SNX2: variants seen among roughly 807,000 people sequenced by gnomAD.
SNX2 encodes the protein sorting nexin-2.
SNX2 carries 25 observed loss-of-function variants against 69.9 expected under a neutral mutation model. That is an observed-to-expected ratio of 0.36 (90% CI 0.26 to 0.50). SNX2 has a LOEUF of 0.50. Among genes scored for constraint, SNX2 ranks in the 20% least tolerant of loss-of-function variants. The pLI, the probability that SNX2 is intolerant of heterozygous loss-of-function variation, is 0.97. For missense variants in SNX2, 551 were observed against 613.3 expected (o/e 0.90, Z 1.07); for synonymous variants, 229 against 200.4 (o/e 1.14, Z -1.20).
At chr5:122,799,290 G>C (rs1753457091) in intron 2 of SNX2, among the ~76,000 whole-genome samples, 1 of 152,112 alleles carries the variant, frequency 6.6e-6, no homozygotes, top group Non-Finnish European at 1.5e-5. Flanking sequence ...GTTGTGGACA[G>C]ACTTCCACCA....
At position 122,775,133 on chromosome 5, in the gene SNX2, G is replaced by C. The variant is rs139914720; in HGVS notation, c.30G>C (p.Leu10=). 1 of 1,595,082 alleles carries C rather than the reference G, an allele frequency of 6.3e-7. No individual in the cohort carries two copies. Among genetic ancestry groups the C allele is most frequent in the Non-Finnish European group, 8.5e-7 (1 of 1,172,588 alleles). The change falls in exon 1 of 15, where the codon CTG becomes CTC. Residue 10 remains leucine, a synonymous_variant. Coordinates refer to ENST00000379516, the MANE Select transcript of SNX2 (RefSeq NM_003100.4). MAAEREPPP[L]GDGKPTDFED... is the part of the protein sequence containing the mutation. ...CGGCCGAGAGGGAACCTCCTCCGCT[G>C]GGGGACGGGAAGCCCACCGACTTTG...
At chr5:122,781,576 A>C (rs1372448905) in intron 1 of SNX2, among the ~76,000 whole-genome samples, 13 of 152,192 alleles carry the variant, frequency 8.5e-5, no homozygotes, top group Non-Finnish European at 5.9e-5. Flanking sequence ...ATTTTAAATA[A>C]ACTGCCAAAC....
At chr5:122,803,374 A>G (rs1753558780) in intron 5 of SNX2, 98 bp from the exon 6 acceptor site, 1 of 1,173,326 alleles carries the variant, frequency 8.5e-7, no homozygotes, top group African/African-American at 1.5e-5. Flanking sequence ...TTCTTTTGCA[A>G]AGTAGATACA....
At chr5:122,776,471 C>CG in intron 1 of SNX2, among the ~76,000 whole-genome samples, 1 of 151,976 alleles carries the variant, frequency 6.6e-6, no homozygotes, top group Non-Finnish European at 1.5e-5. Flanking sequence ...TTTTTGCCAT[C>CG]CCTTTTAATA....
At chr5:122,778,656 G>C (rs1028262371) in intron 1 of SNX2, among the ~76,000 whole-genome samples, 1 of 152,046 alleles carries the variant, frequency 6.6e-6, no homozygotes, top group Non-Finnish European at 1.5e-5. Context: ...CTACAGGCGT[G>C]CACCACCATG....
In SNX2 at chr5:122,831,445, C is replaced by A. The variant is rs1337899302; in HGVS notation, c.*1797C>A. Among the ~76,000 whole-genome samples the A allele has an allele frequency of 6.6e-6, 1 of 152,082 alleles. No homozygotes were observed. Among genetic ancestry groups the A allele is most frequent in the Non-Finnish European group, 1.5e-5 (1 of 68,026 alleles). On this transcript the variant is annotated 3_prime_UTR_variant, in exon 15 of 15. Transcript: ENST00000379516. ...CTATGATCGTGCCTGTGAATACCCA[C>A]TAACCTACAGCCAGCCTGGACAACA...
At chr5:122,806,122 A>G (rs542274157) in intron 6 of SNX2, among the ~76,000 whole-genome samples, 30,467 of 93,112 alleles carry the variant, frequency 0.33, 3,668 homozygotes, top group East Asian at 0.57. Context: ...GCGTGTGTGT[A>G]TATATATACA....
At chr5:122,781,370 T>C (rs1752977623) in intron 1 of SNX2, among the ~76,000 whole-genome samples, 1 of 152,216 alleles carries the variant, frequency 6.6e-6, no homozygotes, top group Non-Finnish European at 1.5e-5. Context: ...TATTATTGAT[T>C]TAGTATTCCA....
chr5:122,786,688 T>TAA (rs3834246), intron 1 of SNX2, among the ~76,000 whole-genome samples: 24 of 147,272 alleles, frequency 1.6e-4, no homozygotes, highest in South Asian at 4.3e-4. Context: ...TAAGACAGAA[T>TAA]AAAAAAAAAA....
chr5:122,784,347 T>C (rs1753035938), intron 1 of SNX2, among the ~76,000 whole-genome samples: 1 of 151,972 alleles, frequency 6.6e-6, no homozygotes, highest in South Asian at 2.1e-4. Flanking sequence ...TTTTTGTTTT[T>C]TTTAATGAGC....
chr5:122,821,409 C>T (rs182487026), intron 11 of SNX2, among the ~76,000 whole-genome samples: 1 of 151,998 alleles, frequency 6.6e-6, no homozygotes, highest in African/African-American at 2.4e-5. Flanking sequence ...CTTTTTACAC[C>T]CACTCCACTT....
At chr5:122,820,799 G>T (rs1167374963) in intron 11 of SNX2, among the ~76,000 whole-genome samples, 1 of 152,130 alleles carries the variant, frequency 6.6e-6, no homozygotes, top group Non-Finnish European at 1.5e-5. Flanking sequence ...CCCTGTTTGC[G>T]AGATTCAGAA....
At chr5:122,808,725 A>G (rs1273955118) in intron 7 of SNX2, 1 of 159,162 alleles carries the variant, frequency 6.3e-6, no homozygotes, top group African/African-American at 2.4e-5. Context: ...AAAACATGGA[A>G]GTTGTGAATG....
chr5:122,778,458 C>G (rs1243473387), intron 1 of SNX2, among the ~76,000 whole-genome samples: 1 of 152,052 alleles, frequency 6.6e-6, no homozygotes, highest in Non-Finnish European at 1.5e-5. Context: ...TAAGATAACT[C>G]CTTTCTCCAC....
intron 3 of SNX2, among the ~76,000 whole-genome samples, chr5:122,800,638 T>C (rs1016459420): frequency 6.6e-6 from 1 of 152,174 alleles, no homozygotes; most frequent in African/African-American, 2.4e-5. Flanking sequence ...TATTTCTGAT[T>C]TAGGTTCTGA....
chr5:122,792,597 CAAA>C (rs34776409), intron 1 of SNX2, among the ~76,000 whole-genome samples: 2 of 108,182 alleles, frequency 1.8e-5, no homozygotes, highest in African/African-American at 3.3e-5. Context: ...AACTTCATCT[CAAA>C]AAAAAAAAAA....
chr5:122,818,972 T>G lies in SNX2; in HGVS notation c.1161T>G (p.Tyr387Ter). ...LHQEQAFADF[Y>*]MFSELLSDYI... ...AAGAACAAGCTTTTGCTGACTTTTATATGTTTTCAGAACTACTTAGTGACT... is the reference window on the plus strand; with the variant it reads ...AAGAACAAGCTTTTGCTGACTTTTAGATGTTTTCAGAACTACTTAGTGACT... The change falls in exon 11 of 15, where the codon TAT becomes TAG. Residue 387 changes from tyrosine to a stop codon, truncating the protein, a stop_gained. Transcript: ENST00000379516. LOFTEE classifies it high-confidence loss of function. The G allele has an allele frequency of 6.2e-7, 1 of 1,613,950 alleles. No homozygotes were observed. Among genetic ancestry groups the G allele is most frequent in the Non-Finnish European group, 8.5e-7 (1 of 1,179,880 alleles).
At chr5:122,807,720 T>A (rs1184667716) in intron 6 of SNX2, among the ~76,000 whole-genome samples, 1 of 152,260 alleles carries the variant, frequency 6.6e-6, no homozygotes, top group Non-Finnish European at 1.5e-5. Flanking sequence ...TAAATGACTC[T>A]GTGAAAGAGC....
At position 122,832,572 on chromosome 5, in the gene SNX2, G is replaced by A. The variant is rs1442387662; in HGVS notation, c.*2924G>A. On this transcript the variant is annotated 3_prime_UTR_variant, in exon 15 of 15. Transcript: ENST00000379516. ...TTATCTAGATCTAGTAAAGTTTTCTGCATTCATTGTATTAATGTTGGTTCA... is the reference window on the plus strand; with the variant it reads ...TTATCTAGATCTAGTAAAGTTTTCTACATTCATTGTATTAATGTTGGTTCA... 1 of 151,876 alleles carries A rather than the reference G, an allele frequency of 6.6e-6. No homozygotes were observed. Among genetic ancestry groups the A allele is most frequent in the East Asian group, 1.9e-4 (1 of 5,188 alleles). 9.4% of individuals were successfully genotyped at this position (151,876 alleles called of 1,614,324 possible). A position where few individuals can be genotyped will look rare whatever the true frequency, so the allele number is the denominator to read the frequency against.
Sources: allele counts gnomAD v4.1 joint callset (sites outside exome capture counted in the v4.1 genomes callset), GRCh38; gene constraint gnomAD v4.1.1; transcripts MANE v1.5; gene names NCBI Gene and HGNC (gene_info 2026-07-23, HGNC 2026-07-21).